The following VPS50 variants were observed in gnomAD, a reference collection of about 807,000 sequenced individuals.
VPS50 encodes VPS50 subunit of EARP/GARPII complex.
VPS50 carries 70 observed loss-of-function variants against 139.7 expected under a neutral mutation model. The ratio of observed to expected loss-of-function variants is 0.50; its 90% CI spans 0.41 to 0.61. The LOEUF (loss-of-function observed/expected upper bound fraction) is 0.61, where lower values mean the gene tolerates loss of function less well. Ranked by LOEUF, VPS50 falls within the 20% of genes least tolerant of loss-of-function variation. The pLI is 0.00. For synonymous variants in VPS50, 365 were observed against 376.7 expected (o/e 0.97, Z 0.36); for missense variants, 921 against 1,133.7 (o/e 0.81, Z 2.69).
Position 93,361,003 on chromosome 7 carries a change from A to G in VPS50, c.*2567A>G, listed in dbSNP as rs1185014345. 3 of 151,928 alleles carry G rather than the reference A, an allele frequency of 2.0e-5. No individual in the cohort carries two copies. The East Asian group carries it at 5.8e-4, about 29-fold the overall frequency. The allele number at this position is 151,928 out of a possible 1,614,324, so 9.4% of individuals were successfully genotyped here. ...CGAAATTTCTATTTAGCTGAGTGCTAAAGTGAAACTTTGTTAGATTAAATA... is the reference window on the plus strand; with the variant it reads ...CGAAATTTCTATTTAGCTGAGTGCTGAAGTGAAACTTTGTTAGATTAAATA... On this transcript the variant is annotated 3_prime_UTR_variant, in exon 28 of 28. Transcript: ENST00000305866.
At position 93,349,792 on chromosome 7, in the gene VPS50, T is replaced by C. The variant is rs1177578621; in HGVS notation, c.2305-83T>C. The C allele has an allele frequency of 5.2e-6, 5 of 961,818 alleles. No individual in the cohort carries two copies. In the Admixed American group the frequency reaches 6.5e-5, roughly 13 times the overall value. 59.6% of individuals were successfully genotyped at this position (961,818 alleles called of 1,614,324 possible). A position where few individuals can be genotyped will look rare whatever the true frequency, so the allele number is the denominator to read the frequency against. ...GTGTTTTATTTTCAGATATGATATA[T>C]ACTGGAAACAGGGGCAAGTATTCTT... On this transcript the variant is annotated intron_variant, in intron 24 of 27. Transcript: ENST00000305866.
intron 2 of VPS50, among the ~76,000 whole-genome samples, chr7:93,251,256 G>A (rs1322906602): frequency 3.3e-5 from 5 of 152,162 alleles, no homozygotes; most frequent in Non-Finnish European, 7.3e-5. Context: ...ATTCACAATA[G>A]CAGAGACTTG....
intron 12 of VPS50, among the ~76,000 whole-genome samples, chr7:93,289,955 AT>A (rs1026028840): frequency 2.0e-5 from 3 of 151,946 alleles, no homozygotes; most frequent in African/African-American, 7.2e-5. Flanking sequence ...GTTCAAGTCT[AT>A]TTTTATGTCT....
At chr7:93,249,997 A>C (rs1472548695) in intron 2 of VPS50, among the ~76,000 whole-genome samples, 1 of 151,724 alleles carries the variant, frequency 6.6e-6, no homozygotes, top group East Asian at 1.9e-4. Context: ...TGTAGTTCCC[A>C]CTGTTGGGAC....
chr7:93,298,372 G>A (rs1206597625), intron 16 of VPS50, among the ~76,000 whole-genome samples: 1 of 152,164 alleles, frequency 6.6e-6, no homozygotes, highest in Non-Finnish European at 1.5e-5. Flanking sequence ...ACAAAAGGCT[G>A]GCCCTATAAA....
chr7:93,284,286 C>CT (rs1343401484), intron 12 of VPS50, among the ~76,000 whole-genome samples: 2 of 152,170 alleles, frequency 1.3e-5, no homozygotes, highest in East Asian at 1.9e-4. Context: ...TAAATACTGC[C>CT]TTTTTTTGTG....
At chr7:93,246,382 TG>T (rs1795155362) in intron 2 of VPS50, among the ~76,000 whole-genome samples, 1 of 151,870 alleles carries the variant, frequency 6.6e-6, no homozygotes, top group South Asian at 2.1e-4. Flanking sequence ...GTGTATAATG[TG>T]GACTGGTCTA....
At chr7:93,344,304 A>G (rs1207660389) in intron 23 of VPS50, among the ~76,000 whole-genome samples, 2 of 152,222 alleles carry the variant, frequency 1.3e-5, no homozygotes, top group Non-Finnish European at 1.5e-5. Flanking sequence ...TATGCACCCC[A>G]ATACAGGAGC....
chr7:93,241,247 T>A (rs1167641765), intron 2 of VPS50, among the ~76,000 whole-genome samples: 1 of 152,074 alleles, frequency 6.6e-6, no homozygotes, highest in Non-Finnish European at 1.5e-5. Context: ...CAGTACTGGT[T>A]GGTAGTGAAT....
At chr7:93,334,315 A>C in intron 22 of VPS50, 118 bp downstream of exon 22, 1 of 646,092 alleles carries the variant, frequency 1.5e-6, no homozygotes, top group Non-Finnish European at 2.7e-6. Flanking sequence ...TCAGAATTAA[A>C]TGAGTGCATA....
chr7:93,265,081 C>T (rs949587921), intron 9 of VPS50, among the ~76,000 whole-genome samples: 43 of 152,106 alleles, frequency 2.8e-4, no homozygotes, highest in Non-Finnish European at 4.4e-4. Flanking sequence ...TTCTTTCTGC[C>T]CCATTCACCC....
chr7:93,291,680 T>C (rs746357135), intron 12 of VPS50, 23 bp from the exon 13 acceptor site: 1 of 1,377,508 alleles, frequency 7.3e-7, no homozygotes, highest in Non-Finnish European at 9.8e-7. Context: ...AATTTGAAAG[T>C]TGTCTCTTAT....
Position 93,356,018 on chromosome 7 carries a change from A to G in VPS50, c.2713A>G (p.Thr905Ala), listed in dbSNP as rs1268815024. ...CATTCCTGATAAAGAATTTGTAGAA[A>G]CTTATATTAAAGCTTATTACCTAAC... ...RPIPDKEFVE[T>A]YIKAYYLTEN... Residue 905 changes from threonine to alanine, a missense_variant, in exon 27 of 28, where the codon ACT becomes GCT. By Grantham distance (58) the Thr-to-Ala change is moderately conservative (BLOSUM62 0). Coordinates refer to ENST00000305866, the MANE Select transcript of VPS50 (RefSeq NM_017667.4). 6.3e-7 allele frequency: 1 copy of G among 1,580,942 alleles called. No homozygotes were observed. Among genetic ancestry groups the G allele is most frequent in the East Asian group, 2.3e-5 (1 of 44,438 alleles).
chr7:93,245,666 A>G (rs1403032864), intron 2 of VPS50, among the ~76,000 whole-genome samples: 1 of 151,844 alleles, frequency 6.6e-6, no homozygotes, highest in East Asian at 1.9e-4. Context: ...TCTATAAATC[A>G]TTTTGCCCAA....
intron 20 of VPS50, among the ~76,000 whole-genome samples, chr7:93,314,991 C>A (rs1404574243): frequency 6.6e-6 from 1 of 152,120 alleles, no homozygotes; most frequent in South Asian, 2.1e-4. Context: ...ATAAGCAGAG[C>A]CCCTGAGCTG....
chr7:93,307,928 C>G (rs545059627), intron 18 of VPS50, among the ~76,000 whole-genome samples: 49 of 151,822 alleles, frequency 3.2e-4, no homozygotes, highest in Non-Finnish European at 4.9e-4. Context: ...TAAATTCTTT[C>G]CATGTTGTTA....
intron 2 of VPS50, among the ~76,000 whole-genome samples, chr7:93,247,526 C>T (rs1183190001): frequency 6.6e-6 from 1 of 151,976 alleles, no homozygotes; most frequent in Non-Finnish European, 1.5e-5. Flanking sequence ...CCTATTCTCT[C>T]ATATTTTCCA....
chr7:93,270,431 A>AT (rs1280470589), intron 9 of VPS50, among the ~76,000 whole-genome samples: 1 of 152,042 alleles, frequency 6.6e-6, no homozygotes, highest in African/African-American at 2.4e-5. Context: ...TGCCAAACAT[A>AT]TTTTTGTGGT....
Position 93,253,846 on chromosome 7 carries a change from AT to A in VPS50, c.226-7del, listed in dbSNP as rs760450726. The A allele has an allele frequency of 1.2e-5, 18 of 1,523,156 alleles. No individual in the cohort carries two copies. Among genetic ancestry groups the A allele is most frequent in the Admixed American group, 7.0e-5 (4 of 57,488 alleles). The allele number at this position is 1,523,156 out of a possible 1,614,324, so 94.4% of individuals were successfully genotyped here. On this transcript the variant is annotated splice_polypyrimidine_tract_variant and intron_variant, in intron 3 of 27. Transcript: ENST00000305866. ...TTTATTTTTTCCTCTTCTTTCATGA[AT>A]TTTTTTCTGTAGAAGCTTCCACCTG...
Sources: allele counts gnomAD v4.1 joint callset (sites outside exome capture counted in the v4.1 genomes callset), GRCh38; gene constraint gnomAD v4.1.1; transcripts MANE v1.5; gene names NCBI Gene and HGNC (gene_info 2026-07-23, HGNC 2026-07-21).